Variants in STK32C observed in about 807,000 individuals in gnomAD.
STK32C encodes serine/threonine kinase 32C.
A neutral mutation model predicts 56.5 loss-of-function variants in STK32C; 31 were observed. The ratio of observed to expected loss-of-function variants is 0.55; its 90% CI spans 0.41 to 0.74. The LOEUF (loss-of-function observed/expected upper bound fraction) is 0.74. Among genes scored for constraint, STK32C ranks in the 30% least tolerant of loss-of-function variants. The probability of loss-of-function intolerance (pLI) is 0.00; values close to 1 mark genes in which losing one functional copy is unlikely to be tolerated. For missense variants in STK32C, 544 were observed against 676.9 expected, an observed-to-expected ratio of 0.80 and a Z score of 2.18; for synonymous variants, 309 against 289.4, an observed-to-expected ratio of 1.07 and a Z score of -0.69.
chr10:132,329,606 T>C (rs1041365775), intron 1 of STK32C, among the ~76,000 whole-genome samples: 4 of 152,164 alleles, frequency 2.6e-5, no homozygotes, highest in Admixed American at 2.6e-4. Context: ...ACTAATTGGA[T>C]GGAGACAGAA....
chr10:132,274,676 T>C (rs1054145094), intron 1 of STK32C, among the ~76,000 whole-genome samples: 9 of 152,130 alleles, frequency 5.9e-5, no homozygotes, highest in Non-Finnish European at 1.2e-4. Flanking sequence ...CGTGGGCCTG[T>C]CTGCAGAATA....
intron 1 of STK32C, among the ~76,000 whole-genome samples, chr10:132,272,227 G>GA (rs773698772): frequency 9.2e-5 from 14 of 152,230 alleles, no homozygotes; most frequent in Non-Finnish European, 1.3e-4. Context: ...TGTCCTCACA[G>GA]AAAAGATCAG....
At chr10:132,222,571 C>T in intron 10 of STK32C, 70 bp downstream of exon 10, 2 of 1,577,638 alleles carry the variant, frequency 1.3e-6, no homozygotes, top group South Asian at 1.1e-5. Flanking sequence ...CCCCACACGC[C>T]TTGCTCGGTG....
rs114128242 is a variant in STK32C, at chr10:132,270,833, C to T, written c.263-24878G>A. On this transcript the variant is annotated intron_variant, in intron 1 of 11. Coordinates refer to ENST00000298630, the MANE Select transcript of STK32C (RefSeq NM_173575.4). ...GCTGCGGAGTGGCCCAGGGCTTCTT[C>T]CCATCCTGGAAGCATCCATCAACAC... 5.1e-3 allele frequency among the ~76,000 whole-genome samples: 782 copies of T among 152,240 alleles called. 11 individuals are homozygous for T. The highest frequency in any genetic ancestry group is 0.018 in the African/African-American group (744 of 41,538).
chr10:132,217,304 A>T (rs2062502900), intron 10 of STK32C, among the ~76,000 whole-genome samples: 1 of 152,224 alleles, frequency 6.6e-6, no homozygotes, highest in Non-Finnish European at 1.5e-5. Flanking sequence ...TGGGGCCTGT[A>T]GCCCCTTTGT....
chr10:132,256,249 C>T (rs1406295779), intron 1 of STK32C, among the ~76,000 whole-genome samples: 3 of 152,280 alleles, frequency 2.0e-5, no homozygotes, highest in East Asian at 1.9e-4. Flanking sequence ...GGTACACACC[C>T]AGAGCCCGGG....
At chr10:132,252,292 G>A (rs943667672) in intron 1 of STK32C, among the ~76,000 whole-genome samples, 3 of 152,270 alleles carry the variant, frequency 2.0e-5, no homozygotes, top group Admixed American at 1.3e-4. Context: ...GGCACCAGGT[G>A]CCAGGGAGGG....
upstream of STK32C, among the ~76,000 whole-genome samples, chr10:132,308,544 G>A (rs1385762323): frequency 6.6e-6 from 1 of 151,620 alleles, no homozygotes; most frequent in African/African-American, 2.4e-5. Context: ...GGAGGCGGCA[G>A]GCTGAGTCCA....
chr10:132,239,535 G>A (rs749766153), intron 2 of STK32C, among the ~76,000 whole-genome samples: 48 of 152,256 alleles, frequency 3.2e-4, no homozygotes, highest in Admixed American at 6.5e-4. Flanking sequence ...GCACTTGGCC[G>A]CCGCAGAGGG....
intron 1 of STK32C, among the ~76,000 whole-genome samples, chr10:132,256,839 C>G (rs533374960): frequency 6.6e-6 from 1 of 152,210 alleles, no homozygotes; most frequent in African/African-American, 2.4e-5. Flanking sequence ...GCTTGGGGAC[C>G]CCGGAGCTGC....
intron 1 of STK32C, among the ~76,000 whole-genome samples, chr10:132,305,975 T>C (rs893922856): frequency 6.6e-6 from 1 of 152,186 alleles, no homozygotes; most frequent in African/African-American, 2.4e-5. Flanking sequence ...TACAGGCAAA[T>C]ACGGTGATGC....
intron 1 of STK32C, among the ~76,000 whole-genome samples, chr10:132,300,485 A>T (rs1024466935): frequency 4.6e-5 from 7 of 152,252 alleles, no homozygotes; most frequent in African/African-American, 1.7e-4. Context: ...CTGCCCAGCC[A>T]TGCTGATCTC....
Position 132,263,132 on chromosome 10 carries a change from C to T in STK32C, c.263-17177G>A, listed in dbSNP as rs565136545. Reference sequence around the variant, plus strand: ...AACAAATCGTTCTACCAAAAAGACACGCGCATTCGTGTGTTCATTGTGGTG... The same window carrying T: ...AACAAATCGTTCTACCAAAAAGACATGCGCATTCGTGTGTTCATTGTGGTG... On this transcript the variant is annotated intron_variant, in intron 1 of 11. Coordinates refer to ENST00000298630, the MANE Select transcript of STK32C (RefSeq NM_173575.4). Among the ~76,000 whole-genome samples the T allele has an allele frequency of 7.9e-5, 12 of 152,296 alleles. No individual in the cohort carries two copies. The East Asian group carries it at 1.7e-3, about 22-fold the overall frequency.
chr10:132,208,236 G>T (rs923659), intron 11 of STK32C, 85 bp from the exon 12 acceptor site: 1 of 1,263,022 alleles, frequency 7.9e-7, no homozygotes, highest in Admixed American at 3.9e-5. Context: ...GGCTCATGGG[G>T]TAGGCCATGG....
intron 1 of STK32C, among the ~76,000 whole-genome samples, chr10:132,303,690 C>T (rs563995178): frequency 5.3e-5 from 8 of 152,312 alleles, no homozygotes; most frequent in Admixed American, 4.6e-4. Context: ...AGATGATGAA[C>T]CTCATTGATA....
intron 4 of STK32C, among the ~76,000 whole-genome samples, chr10:132,226,358 T>G (rs1434563517): frequency 6.6e-6 from 1 of 152,272 alleles, no homozygotes; most frequent in Non-Finnish European, 1.5e-5. Context: ...TTTTCTTTTT[T>G]TAAATTTTAT....
downstream of STK32C, among the ~76,000 whole-genome samples, chr10:132,322,878 G>A (rs1463283135): frequency 1.3e-5 from 2 of 152,156 alleles, no homozygotes; most frequent in African/African-American, 4.8e-5. Flanking sequence ...CTGGCCCAGG[G>A]ACCAGTTTGG....
At chr10:132,247,834 G>A (rs985595296) in intron 1 of STK32C, among the ~76,000 whole-genome samples, 9 of 152,146 alleles carry the variant, frequency 5.9e-5, no homozygotes, top group African/African-American at 1.4e-4. Flanking sequence ...TGACCAGAGG[G>A]GCACTGACTG....
intron 2 of STK32C, among the ~76,000 whole-genome samples, chr10:132,228,455 TC>T: frequency 6.6e-6 from 1 of 152,138 alleles, no homozygotes; most frequent in South Asian, 2.1e-4. Flanking sequence ...TGAAGACCCC[TC>T]CCTGAGACTC....
Sources: gnomAD v4.1 joint callset for allele counts (sites outside exome capture counted in the v4.1 genomes callset) on GRCh38, gnomAD v4.1.1 for gene constraint, MANE v1.5 for transcripts, NCBI Gene and HGNC (gene_info 2026-07-23, HGNC 2026-07-21) for gene names.